JAM2: variants seen among roughly 807,000 people sequenced by gnomAD.
JAM2 encodes the protein junctional adhesion molecule B.
Under a neutral mutation model 42.0 loss-of-function variants are expected in JAM2, and 17 were observed. The observed-to-expected ratio is 0.40, with a 90% CI of 0.28 to 0.61. The LOEUF (loss-of-function observed/expected upper bound fraction) is 0.61, where lower values mean the gene tolerates loss of function less well. Ranked by LOEUF, JAM2 falls within the 20% of genes least tolerant of loss-of-function variation. The pLI is 0.37. For missense variants in JAM2, 319 were observed against 358.3 expected (o/e 0.89, Z 0.89); for synonymous variants, 118 against 128.6 (o/e 0.92, Z 0.56).
At chr21:25,689,411 A>G (rs766612088) in intron 2 of JAM2, among the ~76,000 whole-genome samples, 1 of 152,210 alleles carries the variant, frequency 6.6e-6, no homozygotes, top group Non-Finnish European at 1.5e-5. Context: ...CACCATCTGC[A>G]TAGCTGGTAT....
rs940007794 is a variant in JAM2 at position 25,639,851 on chromosome 21, C to T, written c.30C>T (p.Leu10=). ...CGAGGAGGAGCCGCCACCGCCTCCT[C>T]CTGCTGCTGCTGCGCTACCTGGTGG... MARRSRHRL[L]LLLLRYLVVA... The change falls in exon 1 of 10, where the codon CTC becomes CTT. Residue 10 remains leucine, a synonymous_variant. Transcript: ENST00000480456. 6.3e-7 allele frequency: 1 copy of T among 1,594,348 alleles called. No homozygotes were observed. Among genetic ancestry groups the T allele is most frequent in the South Asian group, 1.1e-5 (1 of 87,464 alleles).
intron 1 of JAM2, among the ~76,000 whole-genome samples, chr21:25,669,400 A>T (rs548443287): frequency 5.3e-5 from 8 of 151,866 alleles, no homozygotes; most frequent in Non-Finnish European, 1.2e-4. Flanking sequence ...AAAAAAAGAA[A>T]AAAAAAGAAG....
chr21:25,693,418 C>T (rs1259778816), intron 3 of JAM2, among the ~76,000 whole-genome samples: 1 of 152,038 alleles, frequency 6.6e-6, no homozygotes, highest in Non-Finnish European at 1.5e-5. Flanking sequence ...CCACCACACC[C>T]AGCTAATTTT....
chr21:25,702,913 C>T (rs140796255), intron 6 of JAM2, among the ~76,000 whole-genome samples: 9 of 152,088 alleles, frequency 5.9e-5, no homozygotes, highest in Non-Finnish European at 1.2e-4. Context: ...AGTGCAGTGT[C>T]GTGATCTCGG....
intron 9 of JAM2, chr21:25,714,201 T>C: frequency 3.8e-6 from 5 of 1,302,540 alleles, no homozygotes; most frequent in Non-Finnish European, 5.1e-6. Context: ...ATAAAACAAG[T>C]TTAATTAAAT....
intron 1 of JAM2, among the ~76,000 whole-genome samples, chr21:25,678,630 A>G (rs1265744742): frequency 6.6e-6 from 1 of 152,192 alleles, no homozygotes; most frequent in Non-Finnish European, 1.5e-5. Flanking sequence ...TTCTACAGAC[A>G]TATTTACAGC....
At chr21:25,639,910 A>G in intron 1 of JAM2, 22 bp downstream of exon 1, 2 of 1,541,840 alleles carry the variant, frequency 1.3e-6, no homozygotes, top group Non-Finnish European at 1.8e-6. Flanking sequence ...GGGTTCCTCT[A>G]CCCTTCCTGC....
intron 1 of JAM2, among the ~76,000 whole-genome samples, chr21:25,672,224 A>G (rs1473536533): frequency 6.6e-6 from 1 of 151,966 alleles, no homozygotes; most frequent in Non-Finnish European, 1.5e-5. Context: ...AACTGGGATT[A>G]CAGGTGCATG....
chr21:25,673,675 A>T (rs2033413151), intron 1 of JAM2, among the ~76,000 whole-genome samples: 1 of 152,104 alleles, frequency 6.6e-6, no homozygotes, highest in African/African-American at 2.4e-5. Flanking sequence ...GAGGGCAGGG[A>T]GAGAGGAAAG....
At chr21:25,656,053 A>G (rs117959942) in intron 1 of JAM2, among the ~76,000 whole-genome samples, 8,645 of 151,584 alleles carry the variant, frequency 0.057, 260 homozygotes, top group Middle Eastern at 0.095. Flanking sequence ...TTTTTTTTTT[A>G]ATGATGTAGC....
At chr21:25,664,171 G>A (rs1401247089) in intron 1 of JAM2, among the ~76,000 whole-genome samples, 1 of 152,108 alleles carries the variant, frequency 6.6e-6, no homozygotes, top group Admixed American at 6.6e-5. Context: ...TACTATCATT[G>A]TATCGCCAAT....
intron 1 of JAM2, among the ~76,000 whole-genome samples, chr21:25,669,896 T>A (rs1000759331): frequency 2.0e-5 from 3 of 152,242 alleles, no homozygotes; most frequent in Non-Finnish European, 4.4e-5. Flanking sequence ...AAAGCCAAGC[T>A]GCTGAAAATA....
At chr21:25,695,880 A>G (rs948828313) in intron 4 of JAM2, among the ~76,000 whole-genome samples, 13 of 146,886 alleles carry the variant, frequency 8.9e-5, no homozygotes, top group Admixed American at 3.4e-4. Context: ...GGCGGCCGGG[A>G]AGAGGCGCTC....
At chr21:25,709,751 T>A in intron 8 of JAM2, 1 of 260,680 alleles carries the variant, frequency 3.8e-6, no homozygotes, top group African/African-American at 2.2e-5. Flanking sequence ...AGCTTTTTAC[T>A]CATGGCTGAA....
chr21:25,641,214 GT>G (rs10708969), intron 1 of JAM2, among the ~76,000 whole-genome samples: 97,796 of 151,610 alleles, frequency 0.65, 32,494 homozygotes, highest in Non-Finnish European at 0.74. Flanking sequence ...TGGAGAAATC[GT>G]TAACAGAACA....
intron 5 of JAM2, among the ~76,000 whole-genome samples, chr21:25,699,706 G>A (rs1231333343): frequency 8.8e-6 from 1 of 113,060 alleles, no homozygotes; most frequent in East Asian, 3.1e-4. Flanking sequence ...CTGGGTGACA[G>A]AGCCAGGCTC....
chr21:25,675,554 A>AGGAAGGAAGGAAGGAG (rs1386710959), intron 1 of JAM2, among the ~76,000 whole-genome samples: 43 of 138,570 alleles, frequency 3.1e-4, no homozygotes, highest in African/African-American at 9.9e-4. Flanking sequence ...AAGGAGGGGA[A>AGGAAGGAAGGAAGGAG]GGAAGGAAGG....
intron 4 of JAM2, among the ~76,000 whole-genome samples, chr21:25,696,916 G>A (rs778566505): frequency 4.0e-5 from 6 of 151,784 alleles, no homozygotes; most frequent in African/African-American, 9.7e-5. Context: ...CTGTCTTCCA[G>A]ATCACGGCTT....
intron 5 of JAM2, among the ~76,000 whole-genome samples, chr21:25,699,529 T>C (rs2034115597): frequency 1.3e-5 from 2 of 152,068 alleles, no homozygotes; most frequent in Middle Eastern, 3.4e-3. Flanking sequence ...AAGACCATCC[T>C]GGCTAACACG....
Sources: gnomAD v4.1 joint callset for allele counts (sites outside exome capture counted in the v4.1 genomes callset) on GRCh38, gnomAD v4.1.1 for gene constraint, MANE v1.5 for transcripts, NCBI Gene and HGNC (gene_info 2026-07-23, HGNC 2026-07-21) for gene names.